The following CDKAL1 variants were observed in gnomAD, a reference collection of about 807,000 sequenced individuals.
CDKAL1 encodes the protein CDKAL1 threonylcarbamoyladenosine tRNA methylthiotransferase, also known as threonylcarbamoyladenosine tRNA methylthiotransferase.
CDKAL1 carries 32 observed loss-of-function variants against 68.2 expected under a neutral mutation model. That is an observed-to-expected ratio of 0.47 (90% CI 0.35 to 0.63). The LOEUF (loss-of-function observed/expected upper bound fraction) is 0.63. Ranked by LOEUF, CDKAL1 falls within the 30% of genes least tolerant of loss-of-function variation. The pLI, the probability that CDKAL1 is intolerant of heterozygous loss-of-function variation, is 0.00. For missense variants in CDKAL1, 606 were observed against 696.7 expected, an observed-to-expected ratio of 0.87 and a Z score of 1.47; for synonymous variants, 234 against 244.3, an observed-to-expected ratio of 0.96 and a Z score of 0.39.
intron 4 of CDKAL1, among the ~76,000 whole-genome samples, chr6:20,561,351 A>ATTC (rs1764258062): frequency 1.3e-5 from 2 of 149,234 alleles, no homozygotes; most frequent in Admixed American, 6.8e-5. Context: ...CTGAGGCATG[A>ATTC]GAATCGCTTG....
chr6:20,966,495 G>A (rs1057100712), intron 10 of CDKAL1, among the ~76,000 whole-genome samples: 1 of 152,148 alleles, frequency 6.6e-6, no homozygotes, highest in Non-Finnish European at 1.5e-5. Flanking sequence ...TAGGATCAGA[G>A]GATGCTGCAT....
chr6:21,047,856 C>T (rs1032820037), intron 11 of CDKAL1, among the ~76,000 whole-genome samples: 1 of 152,112 alleles, frequency 6.6e-6, no homozygotes, highest in Non-Finnish European at 1.5e-5. Flanking sequence ...GGGGATTGTA[C>T]AGTAGGATTG....
chr6:20,972,872 T>G (rs1172916695), intron 10 of CDKAL1, among the ~76,000 whole-genome samples: 1 of 152,174 alleles, frequency 6.6e-6, no homozygotes, highest in African/African-American at 2.4e-5. Flanking sequence ...GGTTTTGATG[T>G]TTTCACATAT....
At chr6:20,842,189 A>G (rs1778199195) in intron 8 of CDKAL1, among the ~76,000 whole-genome samples, 1 of 152,122 alleles carries the variant, frequency 6.6e-6, no homozygotes, top group Admixed American at 6.5e-5. Flanking sequence ...GATTAGAAAA[A>G]CTGTTTTTCA....
rs78673687 is a variant in CDKAL1 at position 20,985,803 on chromosome 6, A to C, written c.910-14424A>C. On this transcript the variant is annotated intron_variant, in intron 10 of 15. Transcript: ENST00000274695. The stretch of plus-strand genomic sequence containing the variant: ...GGATGATGGAGTGAGACCCTGCCTC[A>C]AAAAAAAAAAACAACTTTTAAGACT... Among the ~76,000 whole-genome samples, 14 of 141,634 alleles carry C rather than the reference A, an allele frequency of 9.9e-5. No individual in the cohort carries two copies. The East Asian group carries it at 2.4e-3, about 24-fold the overall frequency. The allele number at this position is 141,634 out of a possible 152,430, so 92.9% of individuals were successfully genotyped here. A position where few individuals can be genotyped will look rare whatever the true frequency, so the allele number is the denominator to read the frequency against.
intron 12 of CDKAL1, among the ~76,000 whole-genome samples, chr6:21,068,987 G>A (rs542386424): frequency 6.6e-6 from 1 of 151,954 alleles, no homozygotes; most frequent in East Asian, 1.9e-4. Context: ...TTTCATTTTT[G>A]TTGCTACTTA....
chr6:20,992,799 G>A (rs766556523), intron 10 of CDKAL1, among the ~76,000 whole-genome samples: 5 of 151,956 alleles, frequency 3.3e-5, no homozygotes, highest in Non-Finnish European at 5.9e-5. Flanking sequence ...CTACTCGAGA[G>A]GCTGAGGTGG....
intron 7 of CDKAL1, among the ~76,000 whole-genome samples, chr6:20,765,844 G>A (rs1411306762): frequency 2.0e-5 from 3 of 152,072 alleles, no homozygotes; most frequent in Non-Finnish European, 4.4e-5. Flanking sequence ...AACTGTATTG[G>A]CCAAATTATC....
intron 8 of CDKAL1, among the ~76,000 whole-genome samples, chr6:20,799,042 T>TG (rs1776245664): frequency 1.0e-5 from 1 of 98,840 alleles, no homozygotes. Context: ...AGAACTGAGT[T>TG]TTTTTTTTTT....
intron 8 of CDKAL1, among the ~76,000 whole-genome samples, chr6:20,791,087 T>G (rs1383152308): frequency 6.6e-6 from 1 of 152,200 alleles, no homozygotes; most frequent in East Asian, 1.9e-4. Flanking sequence ...TGTCTTTGGT[T>G]TGAAAGTGGG....
intron 7 of CDKAL1, among the ~76,000 whole-genome samples, chr6:20,763,425 T>C (rs1198209895): frequency 1.3e-5 from 2 of 152,200 alleles, no homozygotes; most frequent in Non-Finnish European, 2.9e-5. Flanking sequence ...AAATCGTTCC[T>C]TTATGAAAAT....
chr6:20,955,351 G>A, intron 9 of CDKAL1, 68 bp from the exon 10 acceptor site: 1 of 1,473,016 alleles, frequency 6.8e-7, no homozygotes, highest in Non-Finnish European at 9.4e-7. Context: ...ATTAAAAACA[G>A]TGAGCAGCTG....
intron 5 of CDKAL1, among the ~76,000 whole-genome samples, chr6:20,698,896 A>G (rs928261142): frequency 1.3e-5 from 2 of 152,144 alleles, no homozygotes; most frequent in Non-Finnish European, 2.9e-5. Flanking sequence ...TTGGGTGTTT[A>G]AGAGTTGGTA....
In CDKAL1 at chr6:20,800,352, A is replaced by G. The variant is rs75177059; in HGVS notation, c.638+19087A>G. Among the ~76,000 whole-genome samples, 63 of 152,306 alleles carry G rather than the reference A, an allele frequency of 4.1e-4. No individual in the cohort carries two copies. In the East Asian group the frequency reaches 0.01, roughly 25 times the overall value. Reference sequence around the variant, plus strand: ...AAGAACCCAGACAAATTTATGACACACTACATTATTCCAACTAAACTGTAG... The same window carrying G: ...AAGAACCCAGACAAATTTATGACACGCTACATTATTCCAACTAAACTGTAG... On this transcript the variant is annotated intron_variant, in intron 8 of 15. Coordinates refer to ENST00000274695, the MANE Select transcript of CDKAL1 (RefSeq NM_017774.3).
intron 9 of CDKAL1, among the ~76,000 whole-genome samples, chr6:20,933,134 C>T (rs1763544926): frequency 1.3e-5 from 2 of 152,264 alleles, no homozygotes; most frequent in African/African-American, 4.8e-5. Flanking sequence ...TCTCAGGAAG[C>T]CACCATTAGC....
chr6:20,808,542 T>G (rs939243681), intron 8 of CDKAL1, among the ~76,000 whole-genome samples: 3 of 152,122 alleles, frequency 2.0e-5, no homozygotes, highest in Non-Finnish European at 4.4e-5. Flanking sequence ...GCAGTGTTCT[T>G]GCAGACAAGG....
chr6:21,040,729 T>C (rs986311309), intron 11 of CDKAL1, among the ~76,000 whole-genome samples: 2 of 152,194 alleles, frequency 1.3e-5, no homozygotes, highest in African/African-American at 2.4e-5. Context: ...CAAATACTTA[T>C]ACTAAGAATA....
intron 12 of CDKAL1, among the ~76,000 whole-genome samples, chr6:21,094,653 A>G (rs1306350561): frequency 6.6e-6 from 1 of 152,252 alleles, no homozygotes; most frequent in African/African-American, 2.4e-5. Context: ...CGAGGAATTT[A>G]AAACATAAAA....
intron 12 of CDKAL1, among the ~76,000 whole-genome samples, chr6:21,101,159 T>C (rs866691908): frequency 2.6e-5 from 4 of 152,080 alleles, no homozygotes; most frequent in African/African-American, 9.7e-5. Flanking sequence ...ACTGATAGAA[T>C]TGAGAACACA....
Sources: gnomAD v4.1 joint callset for allele counts (sites outside exome capture counted in the v4.1 genomes callset) on GRCh38, gnomAD v4.1.1 for gene constraint, MANE v1.5 for transcripts, NCBI Gene and HGNC (gene_info 2026-07-23, HGNC 2026-07-21) for gene names.